The following KAT2B variants were observed in gnomAD, a reference collection of about 807,000 sequenced individuals.
KAT2B encodes the protein lysine acetyltransferase 2B.
KAT2B carries 36 observed loss-of-function variants against 105.9 expected under a neutral mutation model. The ratio of observed to expected loss-of-function variants is 0.34; its 90% CI spans 0.26 to 0.45. The LOEUF (loss-of-function observed/expected upper bound fraction) is 0.45, where lower values mean the gene tolerates loss of function less well. Ranked by LOEUF, KAT2B falls within the 20% of genes least tolerant of loss-of-function variation. The pLI is 1.00. For missense variants in KAT2B, 820 were observed against 1,021.6 expected (o/e 0.80, Z 2.69); for synonymous variants, 397 against 377.9 (o/e 1.05, Z -0.59).
intron 13 of KAT2B, among the ~76,000 whole-genome samples, chr3:20,143,598 C>T (rs895399267): frequency 9.2e-5 from 14 of 152,006 alleles, no homozygotes; most frequent in African/African-American, 2.7e-4. Context: ...TTCATTGCAG[C>T]GCTATTCACA....
chr3:20,048,173 A>G (rs1697849240), intron 1 of KAT2B, among the ~76,000 whole-genome samples: 1 of 152,226 alleles, frequency 6.6e-6, no homozygotes, highest in Non-Finnish European at 1.5e-5. Context: ...CATACAAAGG[A>G]AAAAATGTTT....
At chr3:20,146,460 A>T (rs747542278) in intron 14 of KAT2B, 30 bp downstream of exon 14, 7 of 1,266,220 alleles carry the variant, frequency 5.5e-6, no homozygotes, top group African/African-American at 1.5e-5. Flanking sequence ...TAAAAGCGAA[A>T]TTTTTTAGTA....
intron 7 of KAT2B, among the ~76,000 whole-genome samples, chr3:20,115,606 C>T (rs1235065157): frequency 1.3e-5 from 2 of 152,118 alleles, no homozygotes; most frequent in Non-Finnish European, 2.9e-5. Context: ...ATGATTTATT[C>T]TTGCTTTAAA....
chr3:20,061,891 GTATTATA>G (rs1318097418), intron 1 of KAT2B, among the ~76,000 whole-genome samples: 1 of 106,744 alleles, frequency 9.4e-6, no homozygotes, highest in South Asian at 3.5e-4. Flanking sequence ...TATAAAATAT[GTATTATA>G]TATTATATAT....
At chr3:20,146,521 G>T in intron 14 of KAT2B, 91 bp downstream of exon 14, 1 of 724,138 alleles carries the variant, frequency 1.4e-6, no homozygotes, top group Non-Finnish European at 2.5e-6. Context: ...AACTTCGAAA[G>T]CTTTATTGCC....
At chr3:20,144,099 A>G (rs576255583) in intron 13 of KAT2B, among the ~76,000 whole-genome samples, 3 of 152,190 alleles carry the variant, frequency 2.0e-5, no homozygotes, top group Admixed American at 6.5e-5. Context: ...TCCCATTCCC[A>G]TTAACAGTCA....
intron 2 of KAT2B, among the ~76,000 whole-genome samples, chr3:20,073,129 CAT>C (rs1698356762): frequency 6.6e-6 from 1 of 152,098 alleles, no homozygotes; most frequent in Non-Finnish European, 1.5e-5. Context: ...TTAAAAAAAT[CAT>C]GTGTTGTTTG....
chr3:20,144,524 C>T (rs868598672), intron 13 of KAT2B, among the ~76,000 whole-genome samples: 6 of 151,250 alleles, frequency 4.0e-5, no homozygotes, highest in African/African-American at 1.5e-4. Flanking sequence ...CTCCTGACCT[C>T]GTGATCTGCC....
chr3:20,127,183 A>G (rs1055851731), intron 10 of KAT2B, among the ~76,000 whole-genome samples: 2 of 152,080 alleles, frequency 1.3e-5, no homozygotes, highest in South Asian at 2.1e-4. Context: ...AACCTCAGGC[A>G]CTTCTTAGGT....
intron 11 of KAT2B, among the ~76,000 whole-genome samples, chr3:20,130,683 C>A (rs1021718330): frequency 2.0e-5 from 3 of 152,240 alleles, no homozygotes; most frequent in Non-Finnish European, 2.9e-5. Flanking sequence ...GCAATTCCCC[C>A]CCATAACCAT....
At chr3:20,089,357 T>C (rs771673032) in intron 2 of KAT2B, among the ~76,000 whole-genome samples, 118 of 148,872 alleles carry the variant, frequency 7.9e-4, no homozygotes, top group Non-Finnish European at 1.4e-3. Flanking sequence ...TTCCAATCTG[T>C]GAACATAAAA....
intron 2 of KAT2B, among the ~76,000 whole-genome samples, chr3:20,079,942 T>C (rs932443908): frequency 2.0e-5 from 3 of 152,212 alleles, no homozygotes; most frequent in Admixed American, 2.0e-4. Flanking sequence ...GCTCATTTGG[T>C]ATAAGTTATG....
chr3:20,081,414 C>G (rs769772021), intron 2 of KAT2B, among the ~76,000 whole-genome samples: 1 of 152,154 alleles, frequency 6.6e-6, no homozygotes, highest in African/African-American at 2.4e-5. Flanking sequence ...AGCAGTCACA[C>G]GGCGGGTCAC....
chr3:20,151,949 C>T (rs749266325), intron 17 of KAT2B, among the ~76,000 whole-genome samples: 36 of 152,210 alleles, frequency 2.4e-4, no homozygotes, highest in African/African-American at 8.4e-4. Flanking sequence ...TGAATACAAA[C>T]GTTCCACCTG....
rs148507695 is a variant in KAT2B at position 20,085,002 on chromosome 3, AC to A, written c.431-10260del. Among the ~76,000 whole-genome samples, 82 of 152,302 alleles carry A rather than the reference AC, an allele frequency of 5.4e-4. 4 individuals are homozygous for A. In the East Asian group the frequency reaches 0.016, roughly 29 times the overall value. On this transcript the variant is annotated intron_variant, in intron 2 of 17. Coordinates refer to ENST00000263754, the MANE Select transcript of KAT2B (RefSeq NM_003884.5). ...TATTATGGAGCATCTGAAGGAATTT[AC>A]TTGATATTGTATACTGATTGCTTTC...
At position 20,122,812 on chromosome 3, in the gene KAT2B, G is replaced by A. The variant is rs763841855; in HGVS notation, c.1413+8G>A. ...GCAATGCTTGGACCAGAGGTCAGCA[G>A]GGTAAACCTGGGCAGCCAGCTGGTA... is the stretch of plus-strand genomic sequence containing the variant. On this transcript the variant is annotated splice_region_variant and intron_variant, in intron 9 of 17. Transcript: ENST00000263754. The A allele has an allele frequency of 1.9e-6, 3 of 1,603,792 alleles. No individual in the cohort carries two copies. The highest frequency in any genetic ancestry group is 4.5e-5 in the East Asian group (2 of 44,692).
chr3:20,145,415 C>G (rs2125195958), intron 13 of KAT2B, among the ~76,000 whole-genome samples: 1 of 152,156 alleles, frequency 6.6e-6, no homozygotes, highest in South Asian at 2.1e-4. Context: ...GCAGTATTTA[C>G]CAGCTATATG....
rs373836506 is a variant in KAT2B, at chr3:20,067,895, G to A, written c.304-4438G>A. Among the ~76,000 whole-genome samples the A allele has an allele frequency of 2.6e-5, 4 of 152,016 alleles. No homozygotes were observed. In the South Asian group the frequency reaches 8.3e-4, roughly 32 times the overall value. ...TTGCCATGTTGGCCAGGCTGGTCTCGAACTCCTGACCTCAGGTGATCTGCC... is the reference window on the plus strand; with the variant it reads ...TTGCCATGTTGGCCAGGCTGGTCTCAAACTCCTGACCTCAGGTGATCTGCC... On this transcript the variant is annotated intron_variant, in intron 1 of 17. Coordinates refer to ENST00000263754, the MANE Select transcript of KAT2B (RefSeq NM_003884.5).
chr3:20,150,243 T>G (rs943816587), intron 17 of KAT2B, among the ~76,000 whole-genome samples: 3 of 152,218 alleles, frequency 2.0e-5, no homozygotes, highest in African/African-American at 7.2e-5. Flanking sequence ...CTTGGTATTG[T>G]TCAGATGCTG....
Sources: gnomAD v4.1 joint callset for allele counts (sites outside exome capture counted in the v4.1 genomes callset) on GRCh38, gnomAD v4.1.1 for gene constraint, MANE v1.5 for transcripts, NCBI Gene and HGNC (gene_info 2026-07-23, HGNC 2026-07-21) for gene names.